PTPN2: variants seen among roughly 807,000 people sequenced by gnomAD.
PTPN2 encodes the protein protein tyrosine phosphatase non-receptor type 2.
Under a neutral mutation model 57.3 loss-of-function variants are expected in PTPN2, and 19 were observed. The observed-to-expected ratio is 0.33, with a 90% CI of 0.23 to 0.49. PTPN2 has a LOEUF of 0.49. PTPN2 is among the 20% of genes least tolerant of loss of function. The pLI is 0.99. For synonymous variants in PTPN2, 153 were observed against 164.9 expected, an observed-to-expected ratio of 0.93 and a Z score of 0.55; for missense variants, 358 against 501.1, an observed-to-expected ratio of 0.71 and a Z score of 2.73.
chr18:12,859,251 T>C lies in PTPN2; in HGVS notation c.73A>G (p.Ile25Val), dbSNP rs1285609315. Residue 25 changes from isoleucine to valine, a missense_variant, in exon 2 of 9, where the codon ATT (isoleucine) becomes GTT (valine). Around this residue, in one of 4 missense-constraint regions of PTPN2, gnomAD observed 62 missense variants for 47.9 expected, o/e 1.29. Coordinates refer to ENST00000309660, the MANE Select transcript of PTPN2 (RefSeq NM_002828.4). ...QRRWQPLYLE[I>V]RNESHDYPHR... ...GGATAGTCATGGGACTCATTTCGAA[T>C]TTCCTTAAAATAACAAAAATATATT... 2 of 1,606,884 alleles carry C rather than the reference T, an allele frequency of 1.2e-6. No homozygotes were observed. The highest frequency in any genetic ancestry group is 1.7e-6 in the Non-Finnish European group (2 of 1,175,516).
intron 1 of PTPN2, among the ~76,000 whole-genome samples, chr18:12,870,273 G>GTGTATA (rs1387363838): frequency 1.2e-5 from 1 of 81,752 alleles, no homozygotes; most frequent in African/African-American, 7.0e-5. Flanking sequence ...ATATATATAT[G>GTGTATA]TATATATATA....
intron 7 of PTPN2, among the ~76,000 whole-genome samples, chr18:12,805,391 AG>A (rs1382848506): frequency 6.6e-6 from 1 of 151,232 alleles, no homozygotes; most frequent in African/African-American, 2.4e-5. Flanking sequence ...CAGAAGGCGG[AG>A]GTAGCAGTGA....
rs141597387 is a variant in PTPN2, at chr18:12,825,769, C to T, written c.495+41G>A. On this transcript the variant is annotated intron_variant, in intron 5 of 8. Coordinates refer to ENST00000309660, the MANE Select transcript of PTPN2 (RefSeq NM_002828.4). ...AATAATAAAGAATAATTCTTTAAACCATCATATAAAGTCCACAATTTCGGG... is the reference window on the plus strand; with the variant it reads ...AATAATAAAGAATAATTCTTTAAACTATCATATAAAGTCCACAATTTCGGG... 393 of 1,541,156 alleles carry T rather than the reference C, an allele frequency of 2.6e-4. 1 individual carries two copies. The African/African-American group carries it at 4.6e-3, about 18-fold the overall frequency.
chr18:12,864,475 A>C (rs1198549103), intron 1 of PTPN2, among the ~76,000 whole-genome samples: 4 of 151,492 alleles, frequency 2.6e-5, no homozygotes, highest in Non-Finnish European at 5.9e-5. Context: ...GGCTCACTGC[A>C]ACCTCAGCCT....
intron 1 of PTPN2, among the ~76,000 whole-genome samples, chr18:12,880,333 C>T (rs2044628180): frequency 6.6e-6 from 1 of 152,134 alleles, no homozygotes; most frequent in African/African-American, 2.4e-5. Flanking sequence ...GTCTTGTGAG[C>T]CGGAGGAGGG....
intron 2 of PTPN2, among the ~76,000 whole-genome samples, chr18:12,846,483 T>C (rs1198111279): frequency 6.6e-6 from 1 of 152,250 alleles, no homozygotes; most frequent in African/African-American, 2.4e-5. Context: ...CCATTATTTA[T>C]TTTCATGCTC....
In PTPN2 at chr18:12,825,039, G is replaced by T. The variant is rs541116730; in HGVS notation, c.495+771C>A. 2.1e-4 allele frequency among the ~76,000 whole-genome samples: 32 copies of T among 152,278 alleles called. No homozygotes were observed. The South Asian group carries it at 6.4e-3, about 31-fold the overall frequency. On this transcript the variant is annotated intron_variant, in intron 5 of 8. Transcript: ENST00000309660. ...AGTTGGAGGCCTCATTGAGAGCTGT[G>T]ATTATGCCACTGTACTCCAGCCTGG...
At chr18:12,800,218 G>C (rs2041365253) in intron 8 of PTPN2, among the ~76,000 whole-genome samples, 1 of 152,034 alleles carries the variant, frequency 6.6e-6, no homozygotes, top group African/African-American at 2.4e-5. Flanking sequence ...TTGCAAGCTT[G>C]TATGAGTGAT....
intron 5 of PTPN2, chr18:12,819,238 CATT>C: frequency 6.9e-7 from 1 of 1,453,268 alleles, no homozygotes; most frequent in Non-Finnish European, 9.1e-7. Flanking sequence ...TAACATCCAG[CATT>C]AATAATTTCA....
chr18:12,840,856 A>G lies in PTPN2; in HGVS notation c.161-3965T>C. Reference sequence around the variant, plus strand: ...AGGTGTGACTTCCAACTCCTCTCTCACATAAACCCCACTTCTGTGCCGATG... The same window carrying G: ...AGGTGTGACTTCCAACTCCTCTCTCGCATAAACCCCACTTCTGTGCCGATG... On this transcript the variant is annotated intron_variant, in intron 2 of 8. Transcript: ENST00000309660. 1.3e-5 allele frequency: 20 copies of G among 1,591,386 alleles called. 1 individual carries two copies. In the South Asian group the frequency reaches 2.2e-4, roughly 18 times the overall value.
intron 2 of PTPN2, among the ~76,000 whole-genome samples, chr18:12,848,591 G>A (rs532098514): frequency 1.3e-5 from 2 of 152,352 alleles, no homozygotes; most frequent in African/African-American, 4.8e-5. Flanking sequence ...TCATAGAGAT[G>A]CCTTGTGTAG....
intron 1 of PTPN2, among the ~76,000 whole-genome samples, chr18:12,865,923 G>T (rs1267686308): frequency 6.6e-6 from 1 of 152,058 alleles, no homozygotes; most frequent in South Asian, 2.1e-4. Context: ...CTACTCCAAG[G>T]CACATACCCA....
At chr18:12,827,171 G>A (rs1238219360) in intron 4 of PTPN2, among the ~76,000 whole-genome samples, 5 of 151,456 alleles carry the variant, frequency 3.3e-5, no homozygotes, top group East Asian at 2.0e-4. Context: ...GTGAAACCCC[G>A]TCTCTACTAA....
chr18:12,832,377 AAAGTGC>A (rs1293654924), intron 3 of PTPN2, among the ~76,000 whole-genome samples: 2 of 152,058 alleles, frequency 1.3e-5, no homozygotes, highest in Non-Finnish European at 2.9e-5. Context: ...TCAGCCTCCC[AAAGTGC>A]TGGGATTACA....
chr18:12,840,867 A>G, intron 2 of PTPN2: 2 of 1,584,152 alleles, frequency 1.3e-6, no homozygotes, highest in South Asian at 2.2e-5. Flanking sequence ...CATAAACCCC[A>G]CTTCTGTGCC....
chr18:12,824,237 C>T (rs970666739), intron 5 of PTPN2, among the ~76,000 whole-genome samples: 3 of 152,112 alleles, frequency 2.0e-5, no homozygotes, highest in Non-Finnish European at 2.9e-5. Context: ...CATTATCATT[C>T]GTAATTTTGA....
chr18:12,858,217 A>G (rs2043661490), intron 2 of PTPN2, among the ~76,000 whole-genome samples: 1 of 152,204 alleles, frequency 6.6e-6, no homozygotes, highest in Non-Finnish European at 1.5e-5. Context: ...GTAACAAGCA[A>G]AAACCAGAAT....
intron 8 of PTPN2, among the ~76,000 whole-genome samples, chr18:12,798,717 C>T (rs537848362): frequency 1.2e-4 from 18 of 152,240 alleles, no homozygotes; most frequent in African/African-American, 3.8e-4. Flanking sequence ...AATCAACATA[C>T]GCGTGTGTTT....
chr18:12,808,576 C>T (rs905072812), intron 7 of PTPN2, among the ~76,000 whole-genome samples: 1 of 152,098 alleles, frequency 6.6e-6, no homozygotes. Context: ...GTCAGGAGAT[C>T]GAGACCATCC....
Sources: gnomAD v4.1 joint callset for allele counts (sites outside exome capture counted in the v4.1 genomes callset) on GRCh38, gnomAD v4.1.1 for gene constraint, gnomAD v4.1.1 regional missense constraint, MANE v1.5 for transcripts, NCBI Gene and HGNC (gene_info 2026-07-23, HGNC 2026-07-21) for gene names.